SGCD: variants seen among roughly 807,000 people sequenced by gnomAD.
SGCD encodes delta-sarcoglycan.
SGCD carries 18 observed loss-of-function variants against 36.6 expected under a neutral mutation model. The observed-to-expected ratio is 0.49, with a 90% CI of 0.34 to 0.73. SGCD has a LOEUF of 0.73. Ranked by LOEUF, SGCD falls within the 30% of genes least tolerant of loss-of-function variation. The probability of loss-of-function intolerance (pLI) is 0.01; values close to 1 mark genes in which losing one functional copy is unlikely to be tolerated. For missense variants in SGCD, 387 were observed against 346.7 expected (o/e 1.12, Z -0.92); for synonymous variants, 133 against 130.6 (o/e 1.02, Z -0.12).
At chr5:155,959,966 G>A (rs2113447405) in intron 1 of SGCD, among the ~76,000 whole-genome samples, 1 of 152,112 alleles carries the variant, frequency 6.6e-6, no homozygotes, top group South Asian at 2.1e-4. Context: ...TGGCTCCAAG[G>A]CCCTTGTCCT....
chr5:156,236,256 T>C (rs1056436540), intron 3 of SGCD, among the ~76,000 whole-genome samples: 10 of 152,144 alleles, frequency 6.6e-5, no homozygotes, highest in Non-Finnish European at 1.5e-5. Flanking sequence ...TCTTATTCAC[T>C]CAAGACAAAC....
At chr5:156,295,568 G>T (rs967471586) in intron 3 of SGCD, among the ~76,000 whole-genome samples, 1 of 152,004 alleles carries the variant, frequency 6.6e-6, no homozygotes, top group East Asian at 1.9e-4. Context: ...CATTTGGTCT[G>T]GAGGTCTCTC....
At chr5:155,728,821 G>T in the SGCD span, among the ~76,000 whole-genome samples, 1 of 152,172 alleles carries the variant, frequency 6.6e-6, no homozygotes, top group Non-Finnish European at 1.5e-5. Context: ...CGGGCGGCGC[G>T]CCCTCTGCCA....
At chr5:156,355,138 T>A (rs1044526196) in intron 3 of SGCD, among the ~76,000 whole-genome samples, 2 of 152,200 alleles carry the variant, frequency 1.3e-5, no homozygotes, top group Non-Finnish European at 2.9e-5. Flanking sequence ...GTTCTTTGTT[T>A]CAAAACTGGT....
chr5:155,977,193 T>A (rs1358393566), intron 1 of SGCD, among the ~76,000 whole-genome samples: 1 of 152,188 alleles, frequency 6.6e-6, no homozygotes, highest in Non-Finnish European at 1.5e-5. Context: ...CCAGATCTCA[T>A]GCCCTTACCC....
chr5:155,907,053 T>C (rs1213824137), intron 1 of SGCD, among the ~76,000 whole-genome samples: 1 of 152,160 alleles, frequency 6.6e-6, no homozygotes, highest in Non-Finnish European at 1.5e-5. Flanking sequence ...TTGAAGTCAG[T>C]GCTCATTTGC....
intron 4 of SGCD, among the ~76,000 whole-genome samples, chr5:156,520,762 A>G (rs1057051240): frequency 6.6e-6 from 1 of 152,130 alleles, no homozygotes; most frequent in Non-Finnish European, 1.5e-5. Context: ...TCATGCCTGT[A>G]ATCCCAGCAC....
In SGCD at chr5:156,053,011, C is replaced by T. The variant is rs559733162; in HGVS notation, c.-281-64867C>T. Among the ~76,000 whole-genome samples the T allele has an allele frequency of 6.0e-4, 88 of 146,434 alleles. 4 individuals carry two copies. Among genetic ancestry groups the T allele is most frequent in the African/African-American group, 2.1e-3 (85 of 40,764 alleles). ...TCTTCCCTTCCCACAGGTCCACTGC[C>T]TCGTCCACAGCAAACAGGCAACCCC... On this transcript the variant is annotated intron_variant, in intron 1 of 9. Coordinates refer to the SGCD transcript ENST00000517913.
At chr5:156,223,707 AAC>A (rs1213317866) in intron 3 of SGCD, among the ~76,000 whole-genome samples, 5 of 152,048 alleles carry the variant, frequency 3.3e-5, no homozygotes, top group Non-Finnish European at 7.4e-5. Context: ...TTAGAAGAGA[AAC>A]ACAGCAGTAC....
the SGCD span, among the ~76,000 whole-genome samples, chr5:155,808,212 G>A: frequency 6.6e-6 from 1 of 152,086 alleles, no homozygotes; most frequent in Non-Finnish European, 1.5e-5. Flanking sequence ...TTGATTTTGT[G>A]ATTTATCCAT....
chr5:156,757,945 A>T, intron 8 of SGCD: 1 of 1,271,072 alleles, frequency 7.9e-7, no homozygotes, highest in Non-Finnish European at 1.0e-6. Flanking sequence ...GTACAGAATT[A>T]TATGACCATG....
chr5:156,756,949 T>A (rs371934976), intron 7 of SGCD, among the ~76,000 whole-genome samples: 16 of 152,298 alleles, frequency 1.1e-4, no homozygotes, highest in African/African-American at 3.8e-4. Flanking sequence ...GTAACAATAG[T>A]AACAGCAGTA....
chr5:156,637,422 C>T (rs1321595372), intron 6 of SGCD, among the ~76,000 whole-genome samples: 1 of 152,052 alleles, frequency 6.6e-6, no homozygotes, highest in Non-Finnish European at 1.5e-5. Flanking sequence ...TCTGAAGTCC[C>T]CTTGGTCTTT....
chr5:156,156,222 G>C (rs188890833), intron 3 of SGCD, among the ~76,000 whole-genome samples: 1 of 151,554 alleles, frequency 6.6e-6, no homozygotes, highest in Non-Finnish European at 1.5e-5. Context: ...AGAGAAGAGA[G>C]AGCATTGCAA....
intron 3 of SGCD, among the ~76,000 whole-genome samples, chr5:156,128,610 G>A (rs1453536551): frequency 1.3e-5 from 2 of 152,148 alleles, no homozygotes; most frequent in Non-Finnish European, 2.9e-5. Flanking sequence ...GAAGGTGATT[G>A]GATCATGGAG....
At chr5:156,584,364 C>T (rs753722339) in intron 4 of SGCD, among the ~76,000 whole-genome samples, 15 of 152,178 alleles carry the variant, frequency 9.9e-5, no homozygotes, top group Non-Finnish European at 2.1e-4. Flanking sequence ...ATTATATGAT[C>T]GCTTACAGAA....
intron 3 of SGCD, among the ~76,000 whole-genome samples, chr5:156,236,205 G>A (rs1765159786): frequency 6.6e-6 from 1 of 151,746 alleles, no homozygotes; most frequent in Non-Finnish European, 1.5e-5. Context: ...TTTCTCAGAT[G>A]TTCTATATTT....
chr5:156,070,250 T>A (rs2127587257), intron 1 of SGCD, among the ~76,000 whole-genome samples: 1 of 152,092 alleles, frequency 6.6e-6, no homozygotes, highest in Non-Finnish European at 1.5e-5. Context: ...CCATTCAGTA[T>A]GATATTGGCT....
chr5:156,699,598 G>C (rs772333256), intron 7 of SGCD, among the ~76,000 whole-genome samples: 1 of 151,872 alleles, frequency 6.6e-6, no homozygotes, highest in Non-Finnish European at 1.5e-5. Context: ...TATTGTTTTT[G>C]ATTTTTCTAA....
Sources: gnomAD v4.1 joint callset for allele counts (sites outside exome capture counted in the v4.1 genomes callset) on GRCh38, gnomAD v4.1.1 for gene constraint, MANE v1.5 for transcripts, NCBI Gene and HGNC (gene_info 2026-07-23, HGNC 2026-07-21) for gene names.